Variants in TOX2 observed in about 807,000 individuals in gnomAD.
TOX2 encodes TOX high mobility group box family member 2, also known as granulosa cell HMG box 1.
In TOX2, 15 loss-of-function variants were observed where a neutral mutation model predicts 47.4. The ratio of observed to expected loss-of-function variants is 0.32; its 90% CI spans 0.21 to 0.49. The LOEUF is 0.49. Ranked by LOEUF, TOX2 falls within the 20% of genes least tolerant of loss-of-function variation. The pLI, the probability that TOX2 is intolerant of heterozygous loss-of-function variation, is 0.99. For missense variants in TOX2, 622 were observed against 673.1 expected, an observed-to-expected ratio of 0.92 and a Z score of 0.84; for synonymous variants, 290 against 296.6, an observed-to-expected ratio of 0.98 and a Z score of 0.23.
At chr20:43,937,077 G>A (rs1212257516) in intron 1 of TOX2, among the ~76,000 whole-genome samples, 11 of 152,224 alleles carry the variant, frequency 7.2e-5, no homozygotes, top group Non-Finnish European at 1.5e-4. Context: ...GTGTGATGAA[G>A]GAGAGCCACA....
chr20:43,925,050 G>A (rs1372061734), intron 1 of TOX2, among the ~76,000 whole-genome samples: 5 of 152,060 alleles, frequency 3.3e-5, no homozygotes, highest in Non-Finnish European at 5.9e-5. Context: ...TATCATCGTG[G>A]TCTATTCTTC....
chr20:43,973,527 C>A (rs2070016116), intron 2 of TOX2, 95 bp downstream of exon 2: 2 of 989,900 alleles, frequency 2.0e-6, no homozygotes, highest in Non-Finnish European at 3.2e-6. Context: ...CAGAATGGGG[C>A]CAGCACAGCC....
chr20:44,007,507 T>A (rs1009459777), intron 3 of TOX2: 1 of 152,314 alleles, frequency 6.6e-6, no homozygotes. Flanking sequence ...GAAAAGGCAC[T>A]GCACTCCGGG....
intron 2 of TOX2, among the ~76,000 whole-genome samples, chr20:43,993,860 A>G (rs1192914953): frequency 4.6e-5 from 7 of 152,234 alleles, no homozygotes; most frequent in Admixed American, 1.3e-4. Flanking sequence ...AGCTATAAAA[A>G]TGTAATTTGA....
intron 5 of TOX2, among the ~76,000 whole-genome samples, chr20:44,058,947 CT>C (rs756543551): frequency 4.6e-5 from 7 of 151,634 alleles, no homozygotes; most frequent in Non-Finnish European, 7.4e-5. Context: ...AAAAATAATT[CT>C]GGTAATATGA....
chr20:44,060,902 C>G (rs996596686), intron 5 of TOX2, among the ~76,000 whole-genome samples: 2 of 151,876 alleles, frequency 1.3e-5, no homozygotes, highest in Non-Finnish European at 2.9e-5. Flanking sequence ...AAAAAATGAC[C>G]AAGATCAGAG....
intron 3 of TOX2, among the ~76,000 whole-genome samples, chr20:44,010,644 G>A (rs772867310): frequency 2.0e-5 from 3 of 152,210 alleles, no homozygotes; most frequent in East Asian, 1.9e-4. Context: ...TACACGCTAC[G>A]TGGGTGACGC....
chr20:43,992,351 G>A (rs919149370), intron 2 of TOX2, among the ~76,000 whole-genome samples: 4 of 152,180 alleles, frequency 2.6e-5, no homozygotes, highest in African/African-American at 7.2e-5. Context: ...AGGAGCGATC[G>A]TGTAGGAGCC....
chr20:43,964,305 C>A (rs1322152704), intron 1 of TOX2, among the ~76,000 whole-genome samples: 2 of 152,178 alleles, frequency 1.3e-5, no homozygotes, highest in African/African-American at 2.4e-5. Context: ...CTGTGCCGGG[C>A]TCTCTGCCTG....
intron 2 of TOX2, among the ~76,000 whole-genome samples, chr20:43,987,500 C>T (rs1357675220): frequency 6.6e-6 from 1 of 152,140 alleles, no homozygotes; most frequent in Non-Finnish European, 1.5e-5. Flanking sequence ...ATGATTTGTG[C>T]ACTTTTCTGT....
Position 44,054,385 on chromosome 20 carries a change from G to T in TOX2, c.738G>T (p.Pro246=), listed in dbSNP as rs563538915. Residue 246 remains proline, a synonymous_variant, in exon 5 of 9, where the codon CCG becomes CCT. Transcript: ENST00000341197. Reference sequence around the variant, plus strand: ...AGAAAAAGAAGGACCCCAATGAGCCGCAGAAGCCTGTGTCGGCCTACGCAC... The same window carrying T: ...AGAAAAAGAAGGACCCCAATGAGCCTCAGAAGCCTGTGTCGGCCTACGCAC... The part of the protein sequence containing the change: ...KKKKKKDPNE[P]QKPVSAYALF... 3 of 1,611,926 alleles carry T rather than the reference G, an allele frequency of 1.9e-6. No homozygotes were observed. In the Admixed American group the frequency reaches 5.1e-5, roughly 27 times the overall value.
intron 2 of TOX2, among the ~76,000 whole-genome samples, chr20:43,976,930 C>T (rs770433384): frequency 2.0e-4 from 30 of 152,284 alleles, no homozygotes; most frequent in Non-Finnish European, 5.9e-5. Flanking sequence ...CTCACAGCCA[C>T]TAGAGGATTC....
intron 5 of TOX2, among the ~76,000 whole-genome samples, chr20:44,059,447 G>A (rs964105661): frequency 6.6e-6 from 1 of 152,136 alleles, no homozygotes; most frequent in African/African-American, 2.4e-5. Flanking sequence ...TATATTTGAG[G>A]GAATAATTGA....
In TOX2 at chr20:44,069,216, G is replaced by C. The variant is rs2071894487; in HGVS notation, c.*530G>C. ...AGACATCTGTAAGACTATTTTGTGG[G>C]GGAAAAAAGTAGTTTCCTTTAAGGT... On this transcript the variant is annotated 3_prime_UTR_variant, in exon 9 of 9. Coordinates refer to ENST00000341197, the MANE Select transcript of TOX2 (RefSeq NM_001098797.2). The C allele has an allele frequency of 4.2e-6, 1 of 239,046 alleles. No homozygotes were observed. Among genetic ancestry groups the C allele is most frequent in the Non-Finnish European group, 8.5e-6 (1 of 118,138 alleles). 14.8% of individuals were successfully genotyped at this position (239,046 alleles called of 1,614,324 possible). A position where few individuals can be genotyped will look rare whatever the true frequency, so the allele number is the denominator to read the frequency against.
At chr20:44,002,201 C>CT (rs1286257163) in intron 2 of TOX2, among the ~76,000 whole-genome samples, 1 of 152,230 alleles carries the variant, frequency 6.6e-6, no homozygotes, top group African/African-American at 2.4e-5. Context: ...AGGCAAGACT[C>CT]TACTCCTTTG....
intron 2 of TOX2, among the ~76,000 whole-genome samples, chr20:44,001,890 G>A (rs1180416344): frequency 3.3e-5 from 5 of 152,170 alleles, no homozygotes; most frequent in African/African-American, 1.2e-4. Context: ...TGTGCACTGT[G>A]CTAGGCACTG....
At chr20:44,023,137 T>C (rs1040713206) in intron 3 of TOX2, among the ~76,000 whole-genome samples, 1 of 147,506 alleles carries the variant, frequency 6.8e-6, no homozygotes, top group Non-Finnish European at 1.5e-5. Context: ...GAGGGAAAGA[T>C]AGAGGAAGGA....
At chr20:43,984,094 G>T (rs1304285946) in intron 2 of TOX2, among the ~76,000 whole-genome samples, 1 of 152,190 alleles carries the variant, frequency 6.6e-6, no homozygotes, top group Admixed American at 6.5e-5. Context: ...TGTTTCACCC[G>T]CTGTGGTGCG....
chr20:43,958,741 G>A (rs903451325), intron 1 of TOX2, among the ~76,000 whole-genome samples: 8 of 152,236 alleles, frequency 5.3e-5, no homozygotes, highest in Non-Finnish European at 1.0e-4. Flanking sequence ...TCTTCTGGAG[G>A]TGCAGGCTTA....
Sources: allele counts gnomAD v4.1 joint callset (sites outside exome capture counted in the v4.1 genomes callset), GRCh38; gene constraint gnomAD v4.1.1; transcripts MANE v1.5; gene names NCBI Gene and HGNC (gene_info 2026-07-23, HGNC 2026-07-21).